The following ADCY1 variants were observed in gnomAD, a reference collection of about 807,000 sequenced individuals.
ADCY1 encodes adenylate cyclase 1, also known as adenylate cyclase type 1.
A neutral mutation model predicts 105.4 loss-of-function variants in ADCY1; 28 were observed. That is an observed-to-expected ratio of 0.27 (90% CI 0.20 to 0.36). ADCY1 has a LOEUF of 0.36. Ranked by LOEUF, ADCY1 falls within the 10% of genes least tolerant of loss-of-function variation. The pLI is 1.00. For missense variants in ADCY1, 977 were observed against 1,434.2 expected, an observed-to-expected ratio of 0.68 and a Z score of 5.15; for synonymous variants, 655 against 623.8, an observed-to-expected ratio of 1.05 and a Z score of -0.75.
At chr7:45,612,974 C>T (rs1030961165) in intron 3 of ADCY1, among the ~76,000 whole-genome samples, 1 of 152,144 alleles carries the variant, frequency 6.6e-6, no homozygotes, top group African/African-American at 2.4e-5. Context: ...TGAGAGTCTC[C>T]TCCTGTACAG....
Position 45,708,332 on chromosome 7 carries a change from C to T in ADCY1, c.2818-18C>T. 1.3e-6 allele frequency: 2 copies of T among 1,580,386 alleles called. No homozygotes were observed. The highest frequency in any genetic ancestry group is 1.3e-5 in the African/African-American group (1 of 74,388). On this transcript the variant is annotated intron_variant, in intron 17 of 19. Transcript: ENST00000297323. The surrounding 1 kb of genome is among the most constrained non-coding windows in gnomAD (Gnocchi z 4.7). ...CTTGCACTCCCCAGATGTAATGACC[C>T]CATCTGTTTACACCTAGGCTAAGAA...
Position 45,610,462 on chromosome 7 carries a change from C to G in ADCY1, c.873C>G (p.Phe291Leu). The G allele has an allele frequency of 6.2e-7, 1 of 1,613,974 alleles. No individual in the cohort carries two copies. Among genetic ancestry groups the G allele is most frequent in the Non-Finnish European group, 8.5e-7 (1 of 1,179,956 alleles). Residue 291 changes from phenylalanine (F) to leucine (L), a missense_variant, in exon 3 of 20, where the codon TTC becomes TTG. Physicochemically the swap from Phe to Leu is conservative, Grantham distance 22. Around this residue, in one of 7 missense-constraint regions of ADCY1, gnomAD observed 196 missense variants for 347.8 expected, o/e 0.56. Coordinates refer to ENST00000297323, the MANE Select transcript of ADCY1 (RefSeq NM_021116.4). ...TCCTGAAGCCCCCTGAGAGGATTTT[C>G]CACAAGATTTACATCCAGAGGCACG... ...EDFLKPPERI[F>L]HKIYIQRHDN...
At chr7:45,695,893 A>G (rs1353510388) in intron 14 of ADCY1, among the ~76,000 whole-genome samples, 1 of 152,232 alleles carries the variant, frequency 6.6e-6, no homozygotes, top group Non-Finnish European at 1.5e-5. Flanking sequence ...AGCCTGCAGA[A>G]CTCAGTACTG....
intron 3 of ADCY1, among the ~76,000 whole-genome samples, chr7:45,622,219 G>A (rs1389645124): frequency 6.6e-6 from 1 of 152,140 alleles, no homozygotes; most frequent in Non-Finnish European, 1.5e-5. Context: ...TGGCAGAAGG[G>A]GAAAATTAGG....
chr7:45,708,553 G>A lies in ADCY1; in HGVS notation c.2932+89G>A, dbSNP rs1785167128. 4 of 1,012,382 alleles carry A rather than the reference G, an allele frequency of 4.0e-6. No homozygotes were observed. Among genetic ancestry groups the A allele is most frequent in the Non-Finnish European group, 6.1e-6 (4 of 657,864 alleles). The allele number at this position is 1,012,382 out of a possible 1,614,324, so 62.7% of individuals were successfully genotyped here. A position where few individuals can be genotyped will look rare whatever the true frequency, so the allele number is the denominator to read the frequency against. The stretch of plus-strand genomic sequence containing the variant: ...TGGGATCAGCTGATGAGGTACCCTG[G>A]TCTTACAGGAAGGAGGGTGGTGCCA... On this transcript the variant is annotated intron_variant, in intron 18 of 19. Coordinates refer to ENST00000297323, the MANE Select transcript of ADCY1 (RefSeq NM_021116.4). This position sits in a 1 kb window ranked among gnomAD's most constrained non-coding sequence, Gnocchi z 4.7.
chr7:45,708,520 C>A lies in ADCY1; in HGVS notation c.2932+56C>A. ...CATGTGGAACACCTTCCTACACCCACCTAGGGGTGGGATCAGCTGATGAGG... is the reference window on the plus strand; with the variant it reads ...CATGTGGAACACCTTCCTACACCCAACTAGGGGTGGGATCAGCTGATGAGG... On this transcript the variant is annotated intron_variant, in intron 18 of 19. Coordinates refer to ENST00000297323, the MANE Select transcript of ADCY1 (RefSeq NM_021116.4). This position sits in a 1 kb window ranked among gnomAD's most constrained non-coding sequence, Gnocchi z 4.7. 1 of 1,375,042 alleles carries A rather than the reference C, an allele frequency of 7.3e-7. No individual in the cohort carries two copies. Among genetic ancestry groups the A allele is most frequent in the Admixed American group, 1.7e-5 (1 of 58,692 alleles). The allele number at this position is 1,375,042 out of a possible 1,614,324, so 85.2% of individuals were successfully genotyped here.
intron 17 of ADCY1, among the ~76,000 whole-genome samples, chr7:45,707,703 A>C (rs1400231228): frequency 2.0e-5 from 3 of 152,198 alleles, no homozygotes; most frequent in African/African-American, 7.2e-5. Flanking sequence ...CATCAGTTGT[A>C]ACAAATGTGT....
intron 8 of ADCY1, among the ~76,000 whole-genome samples, chr7:45,671,827 A>G (rs567898800): frequency 6.6e-6 from 1 of 152,198 alleles, no homozygotes; most frequent in Non-Finnish European, 1.5e-5. Context: ...TATATTCTAG[A>G]AACGATTCTT....
In ADCY1 at chr7:45,657,696, C is replaced by G. The variant is rs2461131; in HGVS notation, c.1149-31C>G. On this transcript the variant is annotated intron_variant, in intron 5 of 19. Coordinates refer to ENST00000297323, the MANE Select transcript of ADCY1 (RefSeq NM_021116.4). ...CCCCCTGGGAGGATACAAGGTGGGC[C>G]CTAGCCCCACGCTCTGTGTCTGTGT... 1,263,413 of 1,598,136 alleles carry G rather than the reference C, an allele frequency of 0.79. 504,524 individuals carry two copies. Among genetic ancestry groups the G allele is most frequent in the South Asian group, 0.85 (75,372 of 88,508 alleles).
At chr7:45,687,666 A>G (rs1281081989) in intron 14 of ADCY1, among the ~76,000 whole-genome samples, 1 of 152,144 alleles carries the variant, frequency 6.6e-6, no homozygotes, top group African/African-American at 2.4e-5. Context: ...TCGCTGTTGG[A>G]GCTATTTGAT....
rs1794734763 is a variant in ADCY1 at position 45,648,736 on chromosome 7, C to G, written c.1087C>G (p.Pro363Ala). ...CTACTGCGTGTCGGGCCTCACCCAG[C>G]CCAAGACTGACCATGCCCACTGCTG... The part of the protein sequence containing the change: ...CYYCVSGLTQ[P>A]KTDHAHCCVE... Residue 363 changes from proline (P) to alanine (A), a missense_variant, in exon 5 of 20, where the codon CCC becomes GCC. By Grantham distance (27) the Pro-to-Ala change is conservative (BLOSUM62 -1). Transcript: ENST00000297323. The G allele has an allele frequency of 6.2e-7, 1 of 1,614,202 alleles. No homozygotes were observed. The highest frequency in any genetic ancestry group is 8.5e-7 in the Non-Finnish European group (1 of 1,180,026).
chr7:45,611,637 G>GTT (rs35339777), intron 3 of ADCY1, among the ~76,000 whole-genome samples: 2,931 of 140,840 alleles, frequency 0.021, 100 homozygotes, highest in East Asian at 0.13. Flanking sequence ...AGGTTTGCTT[G>GTT]TTTTTTTTTT....
intron 17 of ADCY1, among the ~76,000 whole-genome samples, chr7:45,707,708 ATGTGTCACACT>A (rs772754013): frequency 6.6e-6 from 1 of 152,202 alleles, no homozygotes; most frequent in African/African-American, 2.4e-5. Flanking sequence ...GTTGTAACAA[ATGTGTCACACT>A]TAGGTAAGAT....
chr7:45,613,732 T>A (rs944158210), intron 3 of ADCY1, among the ~76,000 whole-genome samples: 6 of 152,064 alleles, frequency 3.9e-5, no homozygotes, highest in African/African-American at 1.2e-4. Context: ...AACCAAATTC[T>A]CAAAAGCCAA....
chr7:45,659,900 C>T (rs1231347444), intron 6 of ADCY1, 142 bp from the exon 7 acceptor site: 13 of 1,039,478 alleles, frequency 1.3e-5, no homozygotes, highest in Non-Finnish European at 1.8e-5. Context: ...GACGGACTTG[C>T]ATGGGAGCAT....
At chr7:45,590,893 G>C (rs1562676674) in intron 1 of ADCY1, among the ~76,000 whole-genome samples, 1 of 152,146 alleles carries the variant, frequency 6.6e-6, no homozygotes, top group Non-Finnish European at 1.5e-5. Context: ...GGTGTTTAAC[G>C]TCGTCAGCCC....
chr7:45,697,310 G>A (rs914288664), intron 14 of ADCY1, among the ~76,000 whole-genome samples: 3 of 151,750 alleles, frequency 2.0e-5, no homozygotes, highest in African/African-American at 4.8e-5. Context: ...ATCACTGAGA[G>A]CAGATCTCCC....
chr7:45,709,927 G>A (rs533553344), intron 18 of ADCY1, among the ~76,000 whole-genome samples: 33 of 152,342 alleles, frequency 2.2e-4, no homozygotes, highest in Admixed American at 1.8e-3. Context: ...GGGTGTGCCT[G>A]GGTTGTCACG....
Position 45,703,453 on chromosome 7 carries a change from C to A in ADCY1, c.2532C>A (p.His844Gln), listed in dbSNP as rs568589402. The A allele has an allele frequency of 6.2e-7, 1 of 1,614,132 alleles. No homozygotes were observed. Among genetic ancestry groups the A allele is most frequent in the Admixed American group, 1.7e-5 (1 of 60,022 alleles). ...RRILFNLLPA[H>Q]VAQHFLMSNP... ...TCCTCTTCAACCTCCTGCCGGCCCA[C>A]GTCGCCCAGCACTTCCTCATGTCCA... is the stretch of plus-strand genomic sequence containing the variant. The change falls in exon 15 of 20, where the codon CAC becomes CAA. Residue 844 changes from histidine (H) to glutamine (Q), a missense_variant. Transcript: ENST00000297323. The surrounding 1 kb of genome is among the most constrained non-coding windows in gnomAD (Gnocchi z 5.9).
Sources: allele counts gnomAD v4.1 joint callset (sites outside exome capture counted in the v4.1 genomes callset), GRCh38; gene constraint gnomAD v4.1.1; regional missense constraint gnomAD v4.1.1; non-coding constraint Gnocchi (gnomAD v3.1); transcripts MANE v1.5; gene names NCBI Gene and HGNC (gene_info 2026-07-23, HGNC 2026-07-21).